Variants in GALNT13 observed in about 807,000 individuals in gnomAD.
GALNT13 encodes the protein UDP-GalNAc:polypeptide N-acetylgalactosaminyltransferase 13.
GALNT13 carries 28 observed loss-of-function variants against 64.2 expected under a neutral mutation model. The ratio of observed to expected loss-of-function variants is 0.44; its 90% CI spans 0.32 to 0.60. The LOEUF is 0.60. Among genes scored for constraint, GALNT13 ranks in the 20% least tolerant of loss-of-function variants. The probability of loss-of-function intolerance (pLI) is 0.05; values close to 1 mark genes in which losing one functional copy is unlikely to be tolerated. For missense variants in GALNT13, 577 were observed against 669.8 expected, an observed-to-expected ratio of 0.86 and a Z score of 1.53; for synonymous variants, 214 against 224.6, an observed-to-expected ratio of 0.95 and a Z score of 0.42.
chr2:154,337,751 A>G (rs1363734785), intron 9 of GALNT13, among the ~76,000 whole-genome samples: 1 of 152,144 alleles, frequency 6.6e-6, no homozygotes, highest in Non-Finnish European at 1.5e-5. Flanking sequence ...TAAATTTAAC[A>G]TTCTTTTGGG....
intron 3 of GALNT13, among the ~76,000 whole-genome samples, chr2:154,102,712 A>G (rs568528251): frequency 6.6e-6 from 1 of 152,278 alleles, no homozygotes; most frequent in African/African-American, 2.4e-5. Flanking sequence ...AACAAAAAAA[A>G]ATCCAGTGAG....
chr2:153,547,636 GC>G, the GALNT13 span, among the ~76,000 whole-genome samples: 1 of 152,162 alleles, frequency 6.6e-6, no homozygotes, highest in Non-Finnish European at 1.5e-5. Flanking sequence ...CCCTCTTGGA[GC>G]TTATGTTCTC....
Position 154,212,787 on chromosome 2 carries a change from A to G in GALNT13, c.312-29243A>G, listed in dbSNP as rs528400003. Among the ~76,000 whole-genome samples, 30 of 152,168 alleles carry G rather than the reference A, an allele frequency of 2.0e-4. 1 individual carries two copies. The South Asian group carries it at 6.2e-3, about 32-fold the overall frequency. ...ATGCCTAGAGAAATAATCTGGTGGA[A>G]TAAAAGGAGGTTGCCAGTGAAGGTA... On this transcript the variant is annotated intron_variant, in intron 4 of 12. Transcript: ENST00000392825.
At chr2:153,396,445 A>T in the GALNT13 span, among the ~76,000 whole-genome samples, 1 of 152,104 alleles carries the variant, frequency 6.6e-6, no homozygotes, top group Admixed American at 6.6e-5. Context: ...AAGGATTGTG[A>T]TAAAACATGA....
the GALNT13 span, among the ~76,000 whole-genome samples, chr2:153,227,340 T>G: frequency 6.6e-6 from 1 of 152,162 alleles, no homozygotes; most frequent in Admixed American, 6.5e-5. Flanking sequence ...GTAGGGCCAA[T>G]GTAGCAGAAA....
intron 4 of GALNT13, among the ~76,000 whole-genome samples, chr2:154,181,460 A>C (rs1685954702): frequency 6.6e-6 from 1 of 152,218 alleles, no homozygotes; most frequent in Admixed American, 6.5e-5. Context: ...TAAAATAACA[A>C]TTTTAGGTTT....
chr2:154,355,585 T>C (rs930642651), intron 9 of GALNT13, among the ~76,000 whole-genome samples: 1 of 152,030 alleles, frequency 6.6e-6, no homozygotes, highest in Non-Finnish European at 1.5e-5. Flanking sequence ...TAATAAAAGC[T>C]CATTGTAGTG....
At chr2:153,345,185 G>C in the GALNT13 span, among the ~76,000 whole-genome samples, 3 of 152,084 alleles carry the variant, frequency 2.0e-5, no homozygotes, top group Non-Finnish European at 1.5e-5. Context: ...TATTTTTTAT[G>C]AGCTTCATGT....
chr2:153,906,004 A>C (rs1302349857), intron 2 of GALNT13, among the ~76,000 whole-genome samples: 1 of 151,886 alleles, frequency 6.6e-6, no homozygotes, highest in Non-Finnish European at 1.5e-5. Context: ...GAGCCATGGG[A>C]AATTTCATCA....
chr2:153,967,177 G>A (rs1693430833), intron 3 of GALNT13, among the ~76,000 whole-genome samples: 1 of 152,100 alleles, frequency 6.6e-6, no homozygotes, highest in South Asian at 2.1e-4. Context: ...CAGGTATTTT[G>A]AATTTTCTGT....
chr2:153,378,789 T>G, the GALNT13 span, among the ~76,000 whole-genome samples: 1 of 152,126 alleles, frequency 6.6e-6, no homozygotes, highest in Admixed American at 6.6e-5. Context: ...ATCCCAGGCC[T>G]CTGGTTTGTG....
intron 6 of GALNT13, 56 bp from the exon 7 acceptor site, chr2:154,245,756 A>T (rs1689745245): frequency 4.2e-6 from 5 of 1,182,558 alleles, no homozygotes; most frequent in Non-Finnish European, 6.1e-6. Context: ...TTTGAAGAAG[A>T]TAATGTAACA....
chr2:153,493,812 T>A, the GALNT13 span, among the ~76,000 whole-genome samples: 58 of 152,134 alleles, frequency 3.8e-4, no homozygotes, highest in Non-Finnish European at 7.2e-4. Flanking sequence ...TTTATCCCAG[T>A]AATTCAAGCT....
At chr2:154,110,336 TAGAG>T (rs1190684961) in intron 3 of GALNT13, among the ~76,000 whole-genome samples, 104 of 9,882 alleles carry the variant, frequency 0.011, no homozygotes, top group Middle Eastern at 0.083. Context: ...TATATATATA[TAGAG>T]AGAGAGAGAG....
At chr2:153,164,414 G>A in the GALNT13 span, among the ~76,000 whole-genome samples, 1 of 152,044 alleles carries the variant, frequency 6.6e-6, no homozygotes, top group Non-Finnish European at 1.5e-5. Flanking sequence ...GGTTCCTTGA[G>A]AAAATGTCTT....
chr2:154,230,160 G>A (rs1331197250), intron 4 of GALNT13, among the ~76,000 whole-genome samples: 2 of 152,006 alleles, frequency 1.3e-5, no homozygotes, highest in Non-Finnish European at 2.9e-5. Flanking sequence ...CAGTTGACTG[G>A]GATAAGACCA....
chr2:153,739,894 G>A, the GALNT13 span, among the ~76,000 whole-genome samples: 2 of 151,568 alleles, frequency 1.3e-5, no homozygotes, highest in Non-Finnish European at 3.0e-5. Context: ...AATGCAGTTT[G>A]AGTTATGTCA....
intron 9 of GALNT13, among the ~76,000 whole-genome samples, chr2:154,329,142 G>T (rs1247508329): frequency 6.6e-6 from 1 of 152,070 alleles, no homozygotes; most frequent in African/African-American, 2.4e-5. Context: ...ATCTAGCTCT[G>T]TCACCCAGGC....
At chr2:153,323,118 G>T in the GALNT13 span, among the ~76,000 whole-genome samples, 1 of 152,146 alleles carries the variant, frequency 6.6e-6, no homozygotes, top group African/African-American at 2.4e-5. Flanking sequence ...CCCGCCAACA[G>T]TGTAAAAGCA....
Sources: gnomAD v4.1 joint callset for allele counts (sites outside exome capture counted in the v4.1 genomes callset) on GRCh38, gnomAD v4.1.1 for gene constraint, MANE v1.5 for transcripts, NCBI Gene and HGNC (gene_info 2026-07-23, HGNC 2026-07-21) for gene names.